Variants in CD226 observed in about 807,000 individuals in gnomAD.
CD226 encodes the protein CD226 molecule.
A neutral mutation model predicts 34.9 loss-of-function variants in CD226; 24 were observed. The ratio of observed to expected loss-of-function variants is 0.69; its 90% CI spans 0.50 to 0.97. CD226 has a LOEUF of 0.97. CD226 is among the 50% of genes least tolerant of loss of function. The pLI is 0.00. For missense variants in CD226, 397 were observed against 412.7 expected (o/e 0.96, Z 0.33); for synonymous variants, 148 against 147.4 (o/e 1.00, Z -0.03).
At chr18:69,932,575 A>G (rs2055602378) in intron 2 of CD226, among the ~76,000 whole-genome samples, 1 of 152,166 alleles carries the variant, frequency 6.6e-6, no homozygotes, top group African/African-American at 2.4e-5. Context: ...CTCAGGCTTT[A>G]TGATCCATCC....
rs576916100 is a variant in CD226, at chr18:69,911,843, T to C, written c.383-15798A>G. ...TGCTCATTTTACATGTGTGTATGTG[T>C]GTGTGCATATGTGTGTGTGTATTAC... On this transcript the variant is annotated intron_variant, in intron 2 of 5. Transcript: ENST00000582621. Among the ~76,000 whole-genome samples the C allele has an allele frequency of 4.6e-5, 7 of 152,328 alleles. No individual in the cohort carries two copies. In the East Asian group the frequency reaches 1.3e-3, roughly 29 times the overall value.
chr18:69,916,614 T>C (rs1371061284), intron 2 of CD226, among the ~76,000 whole-genome samples: 2 of 152,206 alleles, frequency 1.3e-5, no homozygotes, highest in Non-Finnish European at 2.9e-5. Flanking sequence ...CACACAATAT[T>C]TTTTAATGAG....
chr18:69,927,188 G>A (rs894151640), intron 2 of CD226, among the ~76,000 whole-genome samples: 21 of 152,246 alleles, frequency 1.4e-4, no homozygotes, highest in East Asian at 1.9e-4. Flanking sequence ...ATATGAGGAC[G>A]CAGCAAGAAG....
intron 2 of CD226, among the ~76,000 whole-genome samples, chr18:69,903,628 C>CT: frequency 6.6e-6 from 1 of 151,990 alleles, no homozygotes; most frequent in East Asian, 1.9e-4. Context: ...TGACCGTGTC[C>CT]TTATAAAAAG....
chr18:69,861,560 A>ATATATATATATATATG lies in CD226; in HGVS notation c.*2753_*2754insCATATATATATATATA, dbSNP rs1982830278. On this transcript the variant is annotated 3_prime_UTR_variant, in exon 6 of 6. Transcript: ENST00000582621. ...TATATGTGTATATATATATGTATAT[A>ATATATATATATATATG]TATATATATATATGTAAAACTTAAG... 1 of 145,062 alleles carries ATATATATATATATATG rather than the reference A, an allele frequency of 6.9e-6. No homozygotes were observed. The highest frequency in any genetic ancestry group is 1.5e-5 in the Non-Finnish European group (1 of 65,902). The allele number at this position is 145,062 out of a possible 1,614,324, so 9.0% of individuals were successfully genotyped here. A position where few individuals can be genotyped will look rare whatever the true frequency, so the allele number is the denominator to read the frequency against.
intron 1 of CD226, among the ~76,000 whole-genome samples, chr18:69,955,332 C>T (rs2055887092): frequency 6.6e-6 from 1 of 152,194 alleles, no homozygotes; most frequent in Admixed American, 6.5e-5. Flanking sequence ...GCAAAAACAC[C>T]TGATGTGTGT....
In CD226 at chr18:69,862,071, C is replaced by T. The variant is rs555439631; in HGVS notation, c.*2243G>A. 2.0e-5 allele frequency: 3 copies of T among 152,176 alleles called. No individual in the cohort carries two copies. The highest frequency in any genetic ancestry group is 2.0e-4 in the Admixed American group (3 of 15,280). The allele number at this position is 152,176 out of a possible 1,614,324, so 9.4% of individuals were successfully genotyped here. A position where few individuals can be genotyped will look rare whatever the true frequency, so the allele number is the denominator to read the frequency against. ...CACACAAGGAAAAAGAGACAAGTTC[C>T]AAATGTTCTGGAGGCTTTGCAATAC... is the stretch of plus-strand genomic sequence containing the variant. On this transcript the variant is annotated 3_prime_UTR_variant, in exon 6 of 6. Coordinates refer to ENST00000582621, the MANE Select transcript of CD226 (RefSeq NM_001303618.2).
intron 3 of CD226, among the ~76,000 whole-genome samples, chr18:69,889,333 A>G (rs1984747107): frequency 6.6e-6 from 1 of 152,200 alleles, no homozygotes; most frequent in Non-Finnish European, 1.5e-5. Flanking sequence ...AGGTAAAGAT[A>G]ATAAAAGGCT....
upstream of CD226, among the ~76,000 whole-genome samples, chr18:69,949,594 C>CAT (rs1230114866): frequency 2.0e-5 from 3 of 152,076 alleles, no homozygotes; most frequent in African/African-American, 7.3e-5. Context: ...CACACACACA[C>CAT]ACACGGATAC....
At chr18:69,959,455 G>A (rs996220101), upstream of CD226, among the ~76,000 whole-genome samples, 1 of 152,110 alleles carries the variant, frequency 6.6e-6, no homozygotes. Context: ...ATCCCTAGTT[G>A]CAGCATCGCA....
chr18:69,870,838 G>A (rs997852813), intron 4 of CD226, among the ~76,000 whole-genome samples: 7 of 152,168 alleles, frequency 4.6e-5, no homozygotes, highest in African/African-American at 1.4e-4. Flanking sequence ...TCAGTAAAAC[G>A]GAGTTCAGAA....
chr18:69,871,697 G>T (rs988453174), intron 4 of CD226, among the ~76,000 whole-genome samples: 11 of 152,206 alleles, frequency 7.2e-5, no homozygotes, highest in Admixed American at 3.9e-4. Flanking sequence ...ACCAGATGGG[G>T]AGAGCAATGG....
At chr18:69,919,246 C>T (rs1021450173) in intron 2 of CD226, among the ~76,000 whole-genome samples, 3 of 152,154 alleles carry the variant, frequency 2.0e-5, no homozygotes, top group Non-Finnish European at 4.4e-5. Context: ...TGGTTGTGGC[C>T]TCTCTGTTTC....
intron 3 of CD226, among the ~76,000 whole-genome samples, chr18:69,882,395 ACTT>A (rs1449706818): frequency 2.0e-5 from 3 of 152,238 alleles, no homozygotes; most frequent in Non-Finnish European, 4.4e-5. Context: ...TGTATTAGCT[ACTT>A]CTTCTGGTGC....
rs2145191709 is a variant in CD226 at position 69,873,266 on chromosome 18, T to C, written c.728-20A>G. On this transcript the variant is annotated intron_variant, in intron 3 of 5. Transcript: ENST00000582621. Reference sequence around the variant, plus strand: ...TTTTACCTAGGAGAGAAAAAAAATATTGTAGGAATTAGGAATTCAGCCAAA... The same window carrying C: ...TTTTACCTAGGAGAGAAAAAAAATACTGTAGGAATTAGGAATTCAGCCAAA... 7.6e-7 allele frequency: 1 copy of C among 1,320,600 alleles called. No homozygotes were observed. Among genetic ancestry groups the C allele is most frequent in the East Asian group, 2.3e-5 (1 of 42,828 alleles). The allele number at this position is 1,320,600 out of a possible 1,614,324, so 81.8% of individuals were successfully genotyped here.
intron 3 of CD226, among the ~76,000 whole-genome samples, chr18:69,873,451 T>A (rs1188266149): frequency 1.3e-5 from 2 of 152,074 alleles, no homozygotes; most frequent in Non-Finnish European, 2.9e-5. Flanking sequence ...GATTTTTATT[T>A]GTTTTTTGAT....
chr18:69,895,361 T>A (rs1346992861), intron 3 of CD226, among the ~76,000 whole-genome samples: 1 of 152,136 alleles, frequency 6.6e-6, no homozygotes, highest in Non-Finnish European at 1.5e-5. Context: ...CCATCAAAAA[T>A]ATTCATGTAA....
At chr18:69,939,191 T>G (rs2055692455) in intron 2 of CD226, among the ~76,000 whole-genome samples, 1 of 152,258 alleles carries the variant, frequency 6.6e-6, no homozygotes, top group Non-Finnish European at 1.5e-5. Flanking sequence ...ACCCTGACTA[T>G]GAGCCTTAAA....
At chr18:69,938,537 T>C (rs1353295377) in intron 2 of CD226, among the ~76,000 whole-genome samples, 1 of 152,230 alleles carries the variant, frequency 6.6e-6, no homozygotes, top group East Asian at 1.9e-4. Context: ...TGTCAGCTGG[T>C]CAAAGGCTAC....
Sources: allele counts gnomAD v4.1 joint callset (sites outside exome capture counted in the v4.1 genomes callset), GRCh38; gene constraint gnomAD v4.1.1; transcripts MANE v1.5; gene names NCBI Gene and HGNC (gene_info 2026-07-23, HGNC 2026-07-21).